ABLIM1: variants seen among roughly 807,000 people sequenced by gnomAD.
The protein encoded by ABLIM1 is actin binding LIM protein 1, also known as actin-binding LIM protein 1.
Under a neutral mutation model 107.0 loss-of-function variants are expected in ABLIM1, and 40 were observed. The ratio of observed to expected loss-of-function variants is 0.37; its 90% CI spans 0.29 to 0.49. The LOEUF (loss-of-function observed/expected upper bound fraction) is 0.49. ABLIM1 is among the 20% of genes least tolerant of loss of function. ABLIM1 has a pLI of 0.97. For synonymous variants in ABLIM1, 357 were observed against 357.3 expected (o/e 1.00, Z 0.01); for missense variants, 857 against 1,008.5 (o/e 0.85, Z 2.04).
intron 6 of ABLIM1, among the ~76,000 whole-genome samples, chr10:114,495,094 C>T (rs1349483724): frequency 1.2e-4 from 18 of 152,150 alleles, no homozygotes; most frequent in Admixed American, 1.2e-3. Context: ...CGAGAATATA[C>T]AACTAGTTTG....
chr10:114,685,644 GA>G (rs2080915438), upstream of ABLIM1, among the ~76,000 whole-genome samples: 1 of 152,202 alleles, frequency 6.6e-6, no homozygotes, highest in African/African-American at 2.4e-5. Context: ...CCAGGCGCCA[GA>G]CAAAGAATCA....
intron 2 of ABLIM1, among the ~76,000 whole-genome samples, chr10:114,578,911 C>A: frequency 6.6e-6 from 1 of 151,672 alleles, no homozygotes; most frequent in Middle Eastern, 3.4e-3. Context: ...CTCAGCCTCC[C>A]GAGTAGCTGG....
intron 6 of ABLIM1, among the ~76,000 whole-genome samples, chr10:114,496,450 G>A (rs986494849): frequency 6.6e-6 from 1 of 151,748 alleles, no homozygotes; most frequent in African/African-American, 2.4e-5. Flanking sequence ...GCTGAACAAT[G>A]AGAACACACG....
chr10:114,627,684 G>A (rs1437586832), intron 1 of ABLIM1, among the ~76,000 whole-genome samples: 1 of 152,188 alleles, frequency 6.6e-6, no homozygotes, highest in Non-Finnish European at 1.5e-5. Flanking sequence ...CAACTGAAAT[G>A]AGCTGGGAAA....
intron 1 of ABLIM1, among the ~76,000 whole-genome samples, chr10:114,720,740 A>C (rs74830339): frequency 0.054 from 8,275 of 152,170 alleles, 352 homozygotes; most frequent in African/African-American, 0.11. Context: ...TAAAAAAAAA[A>C]AGCAAGCATA....
intron 6 of ABLIM1, among the ~76,000 whole-genome samples, chr10:114,521,112 G>A (rs979361428): frequency 6.6e-5 from 10 of 152,202 alleles, no homozygotes; most frequent in Non-Finnish European, 1.0e-4. Flanking sequence ...AAATAATAGG[G>A]ATGAGAAGGG....
chr10:114,694,596 C>T (rs926140515), intron 1 of ABLIM1, among the ~76,000 whole-genome samples: 4 of 151,992 alleles, frequency 2.6e-5, no homozygotes, highest in Non-Finnish European at 4.4e-5. Flanking sequence ...AATTATGATA[C>T]CTACCTCATG....
At chr10:114,752,691 T>C (rs1480049367) in intron 1 of ABLIM1, among the ~76,000 whole-genome samples, 2 of 152,210 alleles carry the variant, frequency 1.3e-5, no homozygotes, top group Non-Finnish European at 2.9e-5. Flanking sequence ...ACATGCAGTA[T>C]TTGGTTTTCT....
At chr10:114,649,695 TCTTC>T (rs1281395566) in intron 1 of ABLIM1, among the ~76,000 whole-genome samples, 1 of 152,066 alleles carries the variant, frequency 6.6e-6, no homozygotes, top group Non-Finnish European at 1.5e-5. Context: ...GCAGCCTTCA[TCTTC>T]CACCCCAGGG....
intron 2 of ABLIM1, among the ~76,000 whole-genome samples, chr10:114,583,356 CAACA>C (rs144329981): frequency 0.05 from 6,354 of 127,964 alleles, 213 homozygotes; most frequent in East Asian, 0.1. Flanking sequence ...AAAGAGACAA[CAACA>C]AACAAACAAA....
upstream of ABLIM1, among the ~76,000 whole-genome samples, chr10:114,661,509 T>C (rs2079795368): frequency 6.6e-6 from 1 of 152,216 alleles, no homozygotes; most frequent in African/African-American, 2.4e-5. Flanking sequence ...GAAAGCACAG[T>C]TGGGGAAGAC....
At chr10:114,634,291 C>T (rs1283262517) in intron 1 of ABLIM1, among the ~76,000 whole-genome samples, 1 of 149,002 alleles carries the variant, frequency 6.7e-6, no homozygotes, top group Non-Finnish European at 1.5e-5. Flanking sequence ...CGCTACCACG[C>T]CCGGCTAATT....
chr10:114,539,293 G>T (rs1481735228), intron 6 of ABLIM1, among the ~76,000 whole-genome samples: 1 of 152,172 alleles, frequency 6.6e-6, no homozygotes, highest in Non-Finnish European at 1.5e-5. Flanking sequence ...AGGAGGTGGG[G>T]GGTGCAGTGA....
chr10:114,466,655 G>T (rs957719300), intron 11 of ABLIM1, among the ~76,000 whole-genome samples: 4 of 152,138 alleles, frequency 2.6e-5, no homozygotes, highest in Non-Finnish European at 4.4e-5. Context: ...TGATCTGGTG[G>T]CATTTTAAAT....
At chr10:114,447,541 A>G (rs2061201475) in intron 15 of ABLIM1, among the ~76,000 whole-genome samples, 1 of 152,234 alleles carries the variant, frequency 6.6e-6, no homozygotes, top group African/African-American at 2.4e-5. Context: ...TATATAGAAC[A>G]ATGTTCTTGC....
chr10:114,648,249 C>G (rs1032821728), intron 1 of ABLIM1, among the ~76,000 whole-genome samples: 9 of 152,132 alleles, frequency 5.9e-5, no homozygotes, highest in Non-Finnish European at 1.0e-4. Context: ...CAGCATTATT[C>G]ATAATAGCCA....
At chr10:114,517,236 G>A (rs1380666809) in intron 6 of ABLIM1, among the ~76,000 whole-genome samples, 1 of 152,100 alleles carries the variant, frequency 6.6e-6, no homozygotes, top group Non-Finnish European at 1.5e-5. Context: ...GGATTCAGGT[G>A]GGCCCTGAAT....
intron 1 of ABLIM1, among the ~76,000 whole-genome samples, chr10:114,706,209 A>G (rs114827232): frequency 0.017 from 2,567 of 152,336 alleles, 73 homozygotes; most frequent in African/African-American, 0.057. Context: ...TCAGTATAGC[A>G]AAGGCCAAGT....
intron 1 of ABLIM1, among the ~76,000 whole-genome samples, chr10:114,674,087 C>T (rs1186009117): frequency 1.3e-5 from 2 of 151,898 alleles, no homozygotes; most frequent in African/African-American, 4.8e-5. Context: ...GTCAAGAGTT[C>T]GAGACCAGCC....
Sources: gnomAD v4.1 joint callset for allele counts (sites outside exome capture counted in the v4.1 genomes callset) on GRCh38, gnomAD v4.1.1 for gene constraint, MANE v1.5 for transcripts, NCBI Gene and HGNC (gene_info 2026-07-23, HGNC 2026-07-21) for gene names.